CCDC6: variants seen among roughly 807,000 people sequenced by gnomAD.
CCDC6 encodes the protein coiled-coil domain containing 6.
In CCDC6, 20 loss-of-function variants were observed where a neutral mutation model predicts 56.6. That is an observed-to-expected ratio of 0.35 (90% CI 0.25 to 0.51). The LOEUF (loss-of-function observed/expected upper bound fraction) is 0.51, where lower values mean the gene tolerates loss of function less well. Among genes scored for constraint, CCDC6 ranks in the 20% least tolerant of loss-of-function variants. The probability of loss-of-function intolerance (pLI) is 0.95; values close to 1 mark genes in which losing one functional copy is unlikely to be tolerated. For synonymous variants in CCDC6, 241 were observed against 234.4 expected (o/e 1.03, Z -0.26); for missense variants, 367 against 601.1 (o/e 0.61, Z 4.07).
At chr10:59,880,485 A>G (rs7097246) in intron 1 of CCDC6, among the ~76,000 whole-genome samples, 37,418 of 152,124 alleles carry the variant, frequency 0.25, 5,555 homozygotes, top group African/African-American at 0.42. Context: ...TTCAAACTCC[A>G]CATAGTGGCT....
chr10:59,847,723 TAGA>T (rs771864897), intron 2 of CCDC6, among the ~76,000 whole-genome samples: 2 of 152,022 alleles, frequency 1.3e-5, no homozygotes, highest in South Asian at 2.1e-4. Context: ...GTTTCAGAAT[TAGA>T]AGGACTAGGG....
intron 1 of CCDC6, among the ~76,000 whole-genome samples, chr10:59,888,107 G>A (rs1018529962): frequency 1.3e-5 from 2 of 152,208 alleles, no homozygotes; most frequent in Non-Finnish European, 2.9e-5. Flanking sequence ...AAGACTGCTT[G>A]TTATTCTACC....
intron 1 of CCDC6, among the ~76,000 whole-genome samples, chr10:59,895,138 AAAT>A (rs951709934): frequency 2.6e-5 from 4 of 152,078 alleles, no homozygotes; most frequent in African/African-American, 4.8e-5. Context: ...CCTCTATAAA[AAAT>A]AATAATAATA....
chr10:59,799,751 C>T (rs1204388398), intron 7 of CCDC6, among the ~76,000 whole-genome samples: 1 of 152,068 alleles, frequency 6.6e-6, no homozygotes, highest in Non-Finnish European at 1.5e-5. Context: ...AAGGCAAAGA[C>T]CACAGAGTCT....
chr10:59,812,558 A>G (rs2070682013), intron 5 of CCDC6, 77 bp downstream of exon 5: 1 of 919,870 alleles, frequency 1.1e-6, no homozygotes, highest in Admixed American at 2.6e-5. Context: ...ACAGTAATTA[A>G]ATGTTGGTAA....
At chr10:59,896,159 C>A (rs993480045) in intron 1 of CCDC6, among the ~76,000 whole-genome samples, 5 of 152,094 alleles carry the variant, frequency 3.3e-5, no homozygotes, top group Non-Finnish European at 7.4e-5. Context: ...TAAACTGTAC[C>A]TGTGAGTATA....
intron 1 of CCDC6, among the ~76,000 whole-genome samples, chr10:59,902,742 C>T (rs1589067936): frequency 6.6e-6 from 1 of 152,148 alleles, no homozygotes; most frequent in African/African-American, 2.4e-5. Context: ...GAATGAAAAA[C>T]GATGCAGCCA....
At chr10:59,892,327 A>G (rs1041400856) in intron 1 of CCDC6, among the ~76,000 whole-genome samples, 27 of 152,196 alleles carry the variant, frequency 1.8e-4, no homozygotes, top group Non-Finnish European at 2.1e-4. Context: ...TCTTTTAGGA[A>G]GTGTGTTTAC....
rs956486337 is a variant in CCDC6, at chr10:59,847,359, T to TA, written c.453+5193_453+5194insT. ...GGAGCCACCGCGCCAGGCCTAGAAA[T>TA]TTTTTTTTAAATGAAAAGAAGTTTT... On this transcript the variant is annotated intron_variant, in intron 2 of 8. Coordinates refer to ENST00000263102, the MANE Select transcript of CCDC6 (RefSeq NM_005436.5). Among the ~76,000 whole-genome samples, 4 of 39,508 alleles carry TA rather than the reference T, an allele frequency of 1.0e-4. No individual in the cohort carries two copies. The African/African-American group carries it at 1.5e-3, about 15-fold the overall frequency. 25.9% of individuals were successfully genotyped at this position (39,508 alleles called of 152,430 possible).
chr10:59,869,484 G>C (rs2132667350), intron 1 of CCDC6, among the ~76,000 whole-genome samples: 1 of 139,828 alleles, frequency 7.2e-6, no homozygotes, highest in Non-Finnish European at 1.5e-5. Context: ...CAAGAAGTAA[G>C]CCTTGGTTTT....
intron 1 of CCDC6, among the ~76,000 whole-genome samples, chr10:59,902,294 A>T (rs2071509083): frequency 6.6e-6 from 1 of 152,110 alleles, no homozygotes; most frequent in South Asian, 2.1e-4. Flanking sequence ...ACTTGGCTTT[A>T]AAAAGGGCAT....
intron 1 of CCDC6, among the ~76,000 whole-genome samples, chr10:59,880,021 C>T (rs1235545798): frequency 6.6e-6 from 1 of 152,126 alleles, no homozygotes; most frequent in Non-Finnish European, 1.5e-5. Context: ...AGGATCCTAG[C>T]TATTGCATAG....
rs113413825 is a variant in CCDC6 at position 59,807,524 on chromosome 10, T to C, written c.848-446A>G. On this transcript the variant is annotated intron_variant, in intron 5 of 8. Transcript: ENST00000263102. ...AAAAAAGATATCTGGTCTTTCTCATTCTCCCACACATAGATGAGATATGGA... is the reference window on the plus strand; with the variant it reads ...AAAAAAGATATCTGGTCTTTCTCATCCTCCCACACATAGATGAGATATGGA... Among the ~76,000 whole-genome samples the C allele has an allele frequency of 2.7e-3, 406 of 152,104 alleles. 3 individuals carry two copies. Among genetic ancestry groups the C allele is most frequent in the African/African-American group, 9.1e-3 (377 of 41,492 alleles).
Position 59,882,612 on chromosome 10 carries a change from G to GGGGAGAAGGAAA in CCDC6, c.303+23509_303+23510insTTTCCTTCTCCC. Among the ~76,000 whole-genome samples, 3 of 35,990 alleles carry GGGGAGAAGGAAA rather than the reference G, an allele frequency of 8.3e-5. 1 individual carries two copies. The highest frequency in any genetic ancestry group is 6.2e-4 in the Admixed American group (2 of 3,238). The allele number at this position is 35,990 out of a possible 152,430, so 23.6% of individuals were successfully genotyped here. A position where few individuals can be genotyped will look rare whatever the true frequency, so the allele number is the denominator to read the frequency against. On this transcript the variant is annotated intron_variant, in intron 1 of 8. Transcript: ENST00000263102. Reference sequence around the variant, plus strand: ...CCGCGGGGAGAAGGAAAGGAAAGCCGGCGGGAGAAGGAAAGCCAGGGAGAA... The same window carrying GGGGAGAAGGAAA: ...CCGCGGGGAGAAGGAAAGGAAAGCCGGGGAGAAGGAAAGCGGGAGAAGGAAAGCCAGGGAGAA...
intron 1 of CCDC6, among the ~76,000 whole-genome samples, chr10:59,862,244 T>C (rs2071135472): frequency 6.6e-6 from 1 of 151,936 alleles, no homozygotes; most frequent in Non-Finnish European, 1.5e-5. Flanking sequence ...CCCAGCACTG[T>C]GTGACCCCGA....
Position 59,791,119 on chromosome 10 carries a change from CA to C in CCDC6, c.*1797del. ...TTGACATGGCCCAGTCTGATCACAT[CA>C]AAAACCTAAAGCCTCAATGATTAAA... On this transcript the variant is annotated 3_prime_UTR_variant, in exon 9 of 9. Transcript: ENST00000263102. The C allele has an allele frequency of 4.9e-6, 1 of 202,416 alleles. No homozygotes were observed. The highest frequency in any genetic ancestry group is 1.0e-5 in the Non-Finnish European group (1 of 98,560). 12.5% of individuals were successfully genotyped at this position (202,416 alleles called of 1,614,324 possible).
chr10:59,850,570 A>C (rs1046776955), intron 2 of CCDC6, among the ~76,000 whole-genome samples: 2 of 152,194 alleles, frequency 1.3e-5, no homozygotes, highest in African/African-American at 4.8e-5. Context: ...GCCCGCGTGA[A>C]GGCTAGGGCT....
chr10:59,883,888 C>G (rs1589061251), intron 1 of CCDC6, among the ~76,000 whole-genome samples: 1 of 152,196 alleles, frequency 6.6e-6, no homozygotes, highest in Non-Finnish European at 1.5e-5. Flanking sequence ...TCAAAACCCT[C>G]AAGTTTGACA....
chr10:59,905,387 A>C (rs1162744951), intron 1 of CCDC6, among the ~76,000 whole-genome samples: 2 of 152,104 alleles, frequency 1.3e-5, no homozygotes, highest in Non-Finnish European at 2.9e-5. Context: ...AAACACACGT[A>C]CCTCTGGCTC....
Sources: allele counts gnomAD v4.1 joint callset (sites outside exome capture counted in the v4.1 genomes callset), GRCh38; gene constraint gnomAD v4.1.1; transcripts MANE v1.5; gene names NCBI Gene and HGNC (gene_info 2026-07-23, HGNC 2026-07-21).